The following NEGR1 variants were observed in gnomAD, a reference collection of about 807,000 sequenced individuals.
NEGR1 encodes IgLON family member 4.
Under a neutral mutation model 40.9 loss-of-function variants are expected in NEGR1, and 10 were observed. The ratio of observed to expected loss-of-function variants is 0.24; its 90% CI spans 0.15 to 0.42. NEGR1 has a LOEUF of 0.42. Among genes scored for constraint, NEGR1 ranks in the 10% least tolerant of loss-of-function variants. The pLI is 1.00. For missense variants in NEGR1, 352 were observed against 438.9 expected, an observed-to-expected ratio of 0.80 and a Z score of 1.77; for synonymous variants, 185 against 166.8, an observed-to-expected ratio of 1.11 and a Z score of -0.84.
In NEGR1 at chr1:71,690,565, A is replaced by AACACAC. The variant is rs3980432; in HGVS notation, c.667+7437_667+7442dup. ...ACAAATGCACACATATAAGTTATAT[A>AACACAC]ACACACACACACACACACACACACA... On this transcript the variant is annotated intron_variant, in intron 4 of 6. Coordinates refer to ENST00000357731, the MANE Select transcript of NEGR1 (RefSeq NM_173808.3). 1.6e-3 allele frequency among the ~76,000 whole-genome samples: 192 copies of AACACAC among 119,270 alleles called. 2 individuals carry two copies. Among genetic ancestry groups the AACACAC allele is most frequent in the African/African-American group, 4.8e-3 (147 of 30,824 alleles). The allele number at this position is 119,270 out of a possible 152,430, so 78.2% of individuals were successfully genotyped here. A position where few individuals can be genotyped will look rare whatever the true frequency, so the allele number is the denominator to read the frequency against.
intron 2 of NEGR1, among the ~76,000 whole-genome samples, chr1:71,899,385 T>C (rs1397518732): frequency 2.0e-5 from 3 of 151,892 alleles, no homozygotes; most frequent in Non-Finnish European, 2.9e-5. Flanking sequence ...GGAAGGCAGA[T>C]AGGAAGGCAC....
At position 71,795,622 on chromosome 1, in the gene NEGR1, A is replaced by G. The variant is rs138363807; in HGVS notation, c.410-19325T>C. 2.6e-3 allele frequency among the ~76,000 whole-genome samples: 403 copies of G among 152,268 alleles called. 1 individual carries two copies. Among genetic ancestry groups the G allele is most frequent in the African/African-American group, 9.4e-3 (391 of 41,578 alleles). On this transcript the variant is annotated intron_variant, in intron 2 of 6. Transcript: ENST00000357731. The stretch of plus-strand genomic sequence containing the variant: ...ACAGTTTCCAAAAGCAAAAATCTGA[A>G]CAAATCCCAATTGACCGTGTGTTTA...
chr1:71,888,324 G>A (rs983870833), intron 2 of NEGR1, among the ~76,000 whole-genome samples: 2 of 152,054 alleles, frequency 1.3e-5, no homozygotes, highest in Admixed American at 6.5e-5. Context: ...TCTCACTAGG[G>A]AGTGCCAGAC....
intron 6 of NEGR1, among the ~76,000 whole-genome samples, chr1:71,447,324 C>T (rs764302290): frequency 6.6e-6 from 1 of 152,098 alleles, no homozygotes; most frequent in Admixed American, 6.5e-5. Flanking sequence ...TGTAATCCAC[C>T]CAAAGAGGTC....
At chr1:72,264,520 T>C (rs552261096) in intron 1 of NEGR1, among the ~76,000 whole-genome samples, 3 of 137,906 alleles carry the variant, frequency 2.2e-5, no homozygotes, top group Admixed American at 7.2e-5. Context: ...GTTTTAAATA[T>C]AGAAATTAGT....
intron 2 of NEGR1, among the ~76,000 whole-genome samples, chr1:71,798,537 T>A (rs1570361138): frequency 1.3e-5 from 2 of 152,324 alleles, no homozygotes; most frequent in South Asian, 2.1e-4. Flanking sequence ...TTATGCATAT[T>A]AAAGAATTAC....
intron 2 of NEGR1, among the ~76,000 whole-genome samples, chr1:71,849,231 T>C (rs1225378091): frequency 6.6e-6 from 1 of 152,194 alleles, no homozygotes; most frequent in Non-Finnish European, 1.5e-5. Flanking sequence ...GCATTCATGA[T>C]TCATGAAAGA....
intron 4 of NEGR1, among the ~76,000 whole-genome samples, chr1:71,672,722 T>A (rs971554465): frequency 3.3e-5 from 5 of 151,926 alleles, no homozygotes; most frequent in Non-Finnish European, 7.4e-5. Flanking sequence ...TTAAAAAAAA[T>A]AAAAAACCCA....
chr1:72,201,617 T>A (rs1453541260), intron 1 of NEGR1, among the ~76,000 whole-genome samples: 3 of 151,804 alleles, frequency 2.0e-5, no homozygotes, highest in African/African-American at 7.3e-5. Context: ...ACCACAAAGG[T>A]TAAAATCACA....
At chr1:71,531,027 AT>A (rs1430824242) in intron 6 of NEGR1, among the ~76,000 whole-genome samples, 3 of 151,314 alleles carry the variant, frequency 2.0e-5, no homozygotes, top group African/African-American at 7.3e-5. Flanking sequence ...ACTAGGTACT[AT>A]CCTTATTGTA....
rs1284016772 is a variant in NEGR1, at chr1:71,948,480, G to T, written c.177-13169C>A. ...CAAGGGATATGTGTGCTTCAAAAGGGGCGTGTGTGTGTGTGTGAGAGAGAG... is the reference window on the plus strand; with the variant it reads ...CAAGGGATATGTGTGCTTCAAAAGGTGCGTGTGTGTGTGTGTGAGAGAGAG... On this transcript the variant is annotated intron_variant, in intron 1 of 6. Coordinates refer to ENST00000357731, the MANE Select transcript of NEGR1 (RefSeq NM_173808.3). 2.5e-5 allele frequency among the ~76,000 whole-genome samples: 3 copies of T among 122,220 alleles called. No individual in the cohort carries two copies. The Admixed American group carries it at 2.6e-4, about 10-fold the overall frequency. The allele number at this position is 122,220 out of a possible 152,430, so 80.2% of individuals were successfully genotyped here.
At chr1:71,938,822 A>G (rs114520034) in intron 1 of NEGR1, among the ~76,000 whole-genome samples, 1,581 of 152,152 alleles carry the variant, frequency 0.01, 8 homozygotes, top group Non-Finnish European at 0.018. Flanking sequence ...GTAGTAATTA[A>G]ATTGTCATTA....
At chr1:71,679,179 C>G (rs1453465515) in intron 4 of NEGR1, among the ~76,000 whole-genome samples, 1 of 152,060 alleles carries the variant, frequency 6.6e-6, no homozygotes, top group Admixed American at 6.6e-5. Context: ...ATGATGTTAT[C>G]CTGTCTATCC....
intron 1 of NEGR1, among the ~76,000 whole-genome samples, chr1:72,097,377 C>T (rs1431502066): frequency 6.6e-6 from 1 of 152,094 alleles, no homozygotes; most frequent in African/African-American, 2.4e-5. Flanking sequence ...TCAATCTATC[C>T]AGATTATTTG....
At chr1:71,629,258 T>C (rs1650893234) in intron 4 of NEGR1, among the ~76,000 whole-genome samples, 1 of 151,680 alleles carries the variant, frequency 6.6e-6, no homozygotes, top group African/African-American at 2.4e-5. Context: ...TTGATGGGGT[T>C]GTTAAAAAAA....
At chr1:71,757,754 T>C (rs2101695503) in intron 3 of NEGR1, among the ~76,000 whole-genome samples, 1 of 152,216 alleles carries the variant, frequency 6.6e-6, no homozygotes, top group East Asian at 1.9e-4. Context: ...TCTCCTCTTA[T>C]ACTGTTTATA....
intron 2 of NEGR1, among the ~76,000 whole-genome samples, chr1:71,879,357 C>T (rs1009538618): frequency 2.0e-5 from 3 of 152,104 alleles, no homozygotes; most frequent in African/African-American, 7.2e-5. Flanking sequence ...GATTAGTGGC[C>T]TGCAGATAAT....
At chr1:71,834,530 CAG>C (rs1290373330) in intron 2 of NEGR1, among the ~76,000 whole-genome samples, 1 of 151,182 alleles carries the variant, frequency 6.6e-6, no homozygotes, top group East Asian at 2.0e-4. Flanking sequence ...CTCCTGCCCT[CAG>C]ACTGGGTTTT....
At chr1:71,686,872 C>T (rs532622130) in intron 4 of NEGR1, among the ~76,000 whole-genome samples, 2 of 152,112 alleles carry the variant, frequency 1.3e-5, no homozygotes, top group African/African-American at 2.4e-5. Context: ...TTTTGACATC[C>T]ACAGGGAAAA....
Sources: gnomAD v4.1 joint callset for allele counts (sites outside exome capture counted in the v4.1 genomes callset) on GRCh38, gnomAD v4.1.1 for gene constraint, MANE v1.5 for transcripts, NCBI Gene and HGNC (gene_info 2026-07-23, HGNC 2026-07-21) for gene names.